Variants in ROBO2 observed in about 807,000 individuals in gnomAD.
ROBO2 encodes the protein roundabout guidance receptor 2, also known as roundabout homolog 2.
A neutral mutation model predicts 160.8 loss-of-function variants in ROBO2; 53 were observed. That is an observed-to-expected ratio of 0.33 (90% CI 0.26 to 0.41). The LOEUF (loss-of-function observed/expected upper bound fraction) is 0.41, where lower values mean the gene tolerates loss of function less well. Among genes scored for constraint, ROBO2 ranks in the 10% least tolerant of loss-of-function variants. ROBO2 has a pLI of 1.00. For synonymous variants in ROBO2, 664 were observed against 611.7 expected, an observed-to-expected ratio of 1.09 and a Z score of -1.26; for missense variants, 1,577 against 1,722.4, an observed-to-expected ratio of 0.92 and a Z score of 1.49.
At chr3:75,985,650 A>C (rs2065394441) in intron 2 of ROBO2, among the ~76,000 whole-genome samples, 2 of 151,578 alleles carry the variant, frequency 1.3e-5, no homozygotes, top group Non-Finnish European at 1.5e-5. Flanking sequence ...TATATTGTGC[A>C]ATAATCATCA....
At chr3:77,168,884 C>CAG (rs1405162019) in intron 2 of ROBO2, among the ~76,000 whole-genome samples, 11 of 152,300 alleles carry the variant, frequency 7.2e-5, no homozygotes, top group African/African-American at 2.2e-4. Flanking sequence ...GCAAACTTGG[C>CAG]AGCTTTTACC....
At chr3:77,493,137 C>A in intron 4 of ROBO2, 107 bp from the exon 5 acceptor site, 1 of 1,108,250 alleles carries the variant, frequency 9.0e-7, no homozygotes, top group Non-Finnish European at 1.4e-6. Context: ...GAGTTAGGTA[C>A]CTGTGTACCA....
chr3:77,355,448 C>A (rs1430848391), intron 2 of ROBO2, among the ~76,000 whole-genome samples: 1 of 152,042 alleles, frequency 6.6e-6, no homozygotes, highest in Non-Finnish European at 1.5e-5. Context: ...GAAATAACTC[C>A]TTTGCTGTGG....
At chr3:76,655,242 C>G (rs550680511) in intron 2 of ROBO2, among the ~76,000 whole-genome samples, 2 of 150,394 alleles carry the variant, frequency 1.3e-5, no homozygotes, top group South Asian at 4.2e-4. Flanking sequence ...AGATTGTCAT[C>G]TGTTCTACCA....
At chr3:76,085,539 G>T (rs941384423) in intron 2 of ROBO2, among the ~76,000 whole-genome samples, 1 of 152,064 alleles carries the variant, frequency 6.6e-6, no homozygotes, top group African/African-American at 2.4e-5. Flanking sequence ...GAGCTTAGCG[G>T]TCACCACTTC....
In ROBO2 at chr3:77,515,260, T is replaced by G. The variant is rs61505703; in HGVS notation, c.807-7515T>G. Among the ~76,000 whole-genome samples the G allele has an allele frequency of 5.0e-3, 757 of 151,848 alleles. 5 individuals are homozygous for G. Among genetic ancestry groups the G allele is most frequent in the African/African-American group, 0.017 (721 of 41,494 alleles). Reference sequence around the variant, plus strand: ...GGGATTTTTGCAGGTGCTTAGCGACTGCCATAGTGGGTCGGTGATGTTGGG... The same window carrying G: ...GGGATTTTTGCAGGTGCTTAGCGACGGCCATAGTGGGTCGGTGATGTTGGG... On this transcript the variant is annotated intron_variant, in intron 5 of 25. Coordinates refer to ENST00000461745, the Ensembl canonical transcript of ROBO2.
At chr3:76,359,816 A>T (rs79729478) in intron 2 of ROBO2, among the ~76,000 whole-genome samples, 8,674 of 151,930 alleles carry the variant, frequency 0.057, 652 homozygotes, top group African/African-American at 0.17. Context: ...TTCTTGAGTG[A>T]TTGTACTCTT....
intron 2 of ROBO2, among the ~76,000 whole-genome samples, chr3:76,350,992 A>G (rs1212320178): frequency 6.6e-6 from 1 of 151,974 alleles, no homozygotes; most frequent in Non-Finnish European, 1.5e-5. Context: ...TCAGTATTTT[A>G]TTATGAATTG....
At chr3:76,865,260 T>A (rs2071248707) in intron 2 of ROBO2, among the ~76,000 whole-genome samples, 1 of 152,112 alleles carries the variant, frequency 6.6e-6, no homozygotes, top group South Asian at 2.1e-4. Flanking sequence ...TGTGGCCCAA[T>A]ACTTTTGTAA....
At chr3:77,220,902 AATAGTAGAAACC>A (rs1257995338) in intron 2 of ROBO2, among the ~76,000 whole-genome samples, 1 of 152,218 alleles carries the variant, frequency 6.6e-6, no homozygotes. Context: ...ATAGTAGAAT[AATAGTAGAAACC>A]ATACTTTTTC....
intron 5 of ROBO2, among the ~76,000 whole-genome samples, chr3:77,519,231 C>T (rs1000676456): frequency 6.6e-6 from 1 of 151,330 alleles, no homozygotes; most frequent in Non-Finnish European, 1.5e-5. Flanking sequence ...AATCTTATTC[C>T]TATTCTTGTT....
intron 2 of ROBO2, among the ~76,000 whole-genome samples, chr3:76,395,701 C>T (rs1467276527): frequency 6.6e-6 from 1 of 152,158 alleles, no homozygotes. Context: ...CACCTCTACA[C>T]AAACAAACTA....
intron 2 of ROBO2, among the ~76,000 whole-genome samples, chr3:76,993,891 A>C (rs955103928): frequency 3.9e-5 from 6 of 151,904 alleles, no homozygotes; most frequent in South Asian, 2.1e-4. Context: ...TGTAAAAAAA[A>C]AAAACAAAAC....
In ROBO2 at chr3:76,821,426, C is replaced by T. The variant is rs191391952; in HGVS notation, c.110-276588C>T. 1.5e-3 allele frequency among the ~76,000 whole-genome samples: 231 copies of T among 152,054 alleles called. 1 individual carries two copies. Among genetic ancestry groups the T allele is most frequent in the Admixed American group, 4.3e-3 (65 of 15,226 alleles). ...CGATAGTTGCTGTTATTTCAGGCTA[C>T]GAACTGAAACTCAATTCTGTAACTA... On this transcript the variant is annotated intron_variant, in intron 2 of 26. Coordinates refer to the ROBO2 transcript ENST00000487694.
chr3:77,193,399 G>A (rs1417411765), intron 2 of ROBO2, among the ~76,000 whole-genome samples: 1 of 151,622 alleles, frequency 6.6e-6, no homozygotes, highest in Non-Finnish European at 1.5e-5. Flanking sequence ...TCCTACCTCA[G>A]CCTCCTGAGT....
intron 2 of ROBO2, among the ~76,000 whole-genome samples, chr3:76,537,352 A>G (rs1189303981): frequency 6.6e-6 from 1 of 152,080 alleles, no homozygotes; most frequent in African/African-American, 2.4e-5. Flanking sequence ...GCCATTTGCA[A>G]CCATTGTCAA....
intron 2 of ROBO2, among the ~76,000 whole-genome samples, chr3:76,806,421 A>G (rs2108924162): frequency 6.6e-6 from 1 of 152,116 alleles, no homozygotes; most frequent in South Asian, 2.1e-4. Flanking sequence ...ATTGTATGAC[A>G]ATGAAGCCTA....
rs1375177702 is a variant in ROBO2 at position 77,206,686 on chromosome 3, G to A, written c.388+108346G>A. 1.1e-4 allele frequency among the ~76,000 whole-genome samples: 17 copies of A among 151,862 alleles called. 1 individual carries two copies. On this transcript the variant is annotated intron_variant, in intron 2 of 25. Transcript: ENST00000461745. ...AAAATTTTTATATTATTTCTTTTTGGAATAAGGTAATTTTAATGCTAGCCT... is the reference window on the plus strand; with the variant it reads ...AAAATTTTTATATTATTTCTTTTTGAAATAAGGTAATTTTAATGCTAGCCT...
chr3:76,345,016 T>G (rs1181900924), intron 2 of ROBO2, among the ~76,000 whole-genome samples: 1 of 152,186 alleles, frequency 6.6e-6, no homozygotes, highest in Non-Finnish European at 1.5e-5. Context: ...AGTTCAGATC[T>G]GTATAACTGT....
Sources: gnomAD v4.1 joint callset for allele counts (sites outside exome capture counted in the v4.1 genomes callset) on GRCh38, gnomAD v4.1.1 for gene constraint, MANE v1.5 for transcripts, NCBI Gene and HGNC (gene_info 2026-07-23, HGNC 2026-07-21) for gene names.